The following KAZN variants were observed in gnomAD, a reference collection of about 807,000 sequenced individuals.
The protein encoded by KAZN is kazrin, periplakin interacting protein, also known as kazrin.
A neutral mutation model predicts 87.4 loss-of-function variants in KAZN; 40 were observed. The ratio of observed to expected loss-of-function variants is 0.46; its 90% CI spans 0.36 to 0.60. The LOEUF is 0.60. Among genes scored for constraint, KAZN ranks in the 20% least tolerant of loss-of-function variants. KAZN has a pLI of 0.00. For synonymous variants in KAZN, 466 were observed against 458.3 expected, an observed-to-expected ratio of 1.02 and a Z score of -0.22; for missense variants, 898 against 1,073.9, an observed-to-expected ratio of 0.84 and a Z score of 2.29.
In KAZN at chr1:14,599,655, G is replaced by A. The variant is rs562628160; in HGVS notation, c.226+432G>A. Among the ~76,000 whole-genome samples, 50 of 152,338 alleles carry A rather than the reference G, an allele frequency of 3.3e-4. No individual in the cohort carries two copies. Among genetic ancestry groups the A allele is most frequent in the South Asian group, 1.2e-3 (6 of 4,830 alleles). ...GAGAGCTCCGGGCTCTGCCGCCGTGGTTGGGATAGAGGATTGCACTGCTGT... is the reference window on the plus strand; with the variant it reads ...GAGAGCTCCGGGCTCTGCCGCCGTGATTGGGATAGAGGATTGCACTGCTGT... On this transcript the variant is annotated intron_variant, in intron 1 of 14. Coordinates refer to ENST00000376030, the MANE Select transcript of KAZN (RefSeq NM_201628.3). This position sits in a 1 kb window ranked among gnomAD's most constrained non-coding sequence, Gnocchi z 4.4.
At chr1:15,002,435 T>G (rs904714073) in intron 2 of KAZN, among the ~76,000 whole-genome samples, 1 of 151,590 alleles carries the variant, frequency 6.6e-6, no homozygotes, top group Non-Finnish European at 1.5e-5. Context: ...GCACCCTGAG[T>G]TTTTCGTGCC....
At chr1:14,506,012 G>T (rs958006174) in intron 2 of KAZN, among the ~76,000 whole-genome samples, 3 of 152,110 alleles carry the variant, frequency 2.0e-5, no homozygotes, top group African/African-American at 7.2e-5. Context: ...GGTGATGGTT[G>T]CTCCACAATG....
chr1:14,797,496 G>A (rs1369662591), intron 1 of KAZN, among the ~76,000 whole-genome samples: 1 of 152,214 alleles, frequency 6.6e-6, no homozygotes, highest in Non-Finnish European at 1.5e-5. Flanking sequence ...TAGAAAGTGT[G>A]TTGGAACCAA....
chr1:14,984,300 C>T lies in KAZN; in HGVS notation c.418+23425C>T, dbSNP rs10927615. On this transcript the variant is annotated intron_variant, in intron 2 of 14. Coordinates refer to ENST00000376030, the MANE Select transcript of KAZN (RefSeq NM_201628.3). ...GCTGAGGAATGAGAATCACTTGAAC[C>T]CAGGAGGCAGAGGTTGCAGTGAGCT... is the stretch of plus-strand genomic sequence containing the variant. Among the ~76,000 whole-genome samples, 741 of 152,054 alleles carry T rather than the reference C, an allele frequency of 4.9e-3. 7 individuals carry two copies. Among genetic ancestry groups the T allele is most frequent in the African/African-American group, 0.016 (678 of 41,470 alleles).
At chr1:13,924,618 T>C (rs1640201072) in intron 1 of KAZN, among the ~76,000 whole-genome samples, 1 of 152,180 alleles carries the variant, frequency 6.6e-6, no homozygotes, top group African/African-American at 2.4e-5. Context: ...TTGGAGAGGC[T>C]CATCAGAAAC....
intron 2 of KAZN, among the ~76,000 whole-genome samples, chr1:14,206,308 AC>A (rs1470179712): frequency 6.6e-6 from 1 of 152,186 alleles, no homozygotes; most frequent in African/African-American, 2.4e-5. Flanking sequence ...CAGAACAGAA[AC>A]AGAATAATTG....
chr1:14,078,738 G>A (rs571121942), intron 1 of KAZN, among the ~76,000 whole-genome samples: 70 of 152,200 alleles, frequency 4.6e-4, no homozygotes, highest in African/African-American at 1.2e-3. Context: ...AGGGTGGAGT[G>A]CAGTGGTGCG....
At position 14,537,439 on chromosome 1, in the gene KAZN, A is replaced by G. The variant is rs575617532; in HGVS notation, c.250-61544A>G. 3.3e-5 allele frequency among the ~76,000 whole-genome samples: 5 copies of G among 152,372 alleles called. No homozygotes were observed. In the East Asian group the frequency reaches 9.6e-4, roughly 29 times the overall value. On this transcript the variant is annotated intron_variant, in intron 2 of 16. Coordinates refer to the KAZN transcript ENST00000636203. Reference sequence around the variant, plus strand: ...TTAATTTTTACAACTTTAAATTTAAATGCATTGCCATCACGGCTAGTGGGT... The same window carrying G: ...TTAATTTTTACAACTTTAAATTTAAGTGCATTGCCATCACGGCTAGTGGGT...
intron 2 of KAZN, among the ~76,000 whole-genome samples, chr1:14,505,365 C>T (rs1472414249): frequency 1.3e-5 from 2 of 152,164 alleles, no homozygotes; most frequent in Non-Finnish European, 2.9e-5. Flanking sequence ...GCAGACAAGC[C>T]AATAGATGTC....
intron 1 of KAZN, among the ~76,000 whole-genome samples, chr1:13,927,130 G>A (rs998973248): frequency 2.6e-5 from 4 of 152,134 alleles, no homozygotes; most frequent in African/African-American, 9.7e-5. Context: ...CCCAATTTCC[G>A]TGTTCTATAA....
At chr1:14,967,275 A>C (rs1664563563) in intron 2 of KAZN, among the ~76,000 whole-genome samples, 1 of 151,864 alleles carries the variant, frequency 6.6e-6, no homozygotes, top group Admixed American at 6.6e-5. Context: ...TGGCTCCTGG[A>C]TGTGCCTATG....
intron 2 of KAZN, among the ~76,000 whole-genome samples, chr1:14,491,635 A>G (rs961022675): frequency 1.1e-4 from 17 of 152,310 alleles, no homozygotes; most frequent in African/African-American, 3.6e-4. Context: ...ATGCTGATTA[A>G]GTGGACTTGC....
intron 6 of KAZN, chr1:15,060,528 TC>T: frequency 1.6e-6 from 1 of 606,876 alleles, no homozygotes; most frequent in Non-Finnish European, 2.8e-6. Flanking sequence ...GTGAGGAGAA[TC>T]CAGAGGAAGC....
intron 2 of KAZN, among the ~76,000 whole-genome samples, chr1:14,200,236 G>C (rs939589827): frequency 6.6e-6 from 1 of 152,050 alleles, no homozygotes; most frequent in Admixed American, 6.5e-5. Flanking sequence ...CAATTAGGTA[G>C]ATCTATGTTT....
At chr1:14,712,237 G>A (rs1003827716) in intron 1 of KAZN, among the ~76,000 whole-genome samples, 8 of 152,336 alleles carry the variant, frequency 5.3e-5, no homozygotes, top group African/African-American at 1.9e-4. Context: ...GAAGAGATTA[G>A]AAGGGCAGAA....
chr1:14,582,289 G>A (rs761677765), intron 2 of KAZN, among the ~76,000 whole-genome samples: 6 of 152,192 alleles, frequency 3.9e-5, no homozygotes, highest in East Asian at 3.9e-4. Context: ...TCCAGAAAAC[G>A]CTAAGGATTT....
At chr1:14,381,667 A>G (rs887215036) in intron 2 of KAZN, among the ~76,000 whole-genome samples, 1 of 152,170 alleles carries the variant, frequency 6.6e-6, no homozygotes, top group Non-Finnish European at 1.5e-5. Context: ...GTATAGAAGG[A>G]ACATAACACA....
chr1:15,053,838 C>T (rs1429380594), intron 4 of KAZN, among the ~76,000 whole-genome samples: 3 of 152,324 alleles, frequency 2.0e-5, no homozygotes, highest in East Asian at 3.9e-4. Flanking sequence ...GCCAGGTTGG[C>T]GGGGCAAGGC....
At chr1:14,334,028 C>T (rs1657040125) in intron 2 of KAZN, among the ~76,000 whole-genome samples, 1 of 151,822 alleles carries the variant, frequency 6.6e-6, no homozygotes, top group East Asian at 2.0e-4. Flanking sequence ...ATAAAGGAGG[C>T]ATGGCCATCA....
Sources: allele counts gnomAD v4.1 joint callset (sites outside exome capture counted in the v4.1 genomes callset), GRCh38; gene constraint gnomAD v4.1.1; non-coding constraint Gnocchi (gnomAD v3.1); transcripts MANE v1.5; gene names NCBI Gene and HGNC (gene_info 2026-07-23, HGNC 2026-07-21).